ANO6: variants seen among roughly 807,000 people sequenced by gnomAD.
The protein encoded by ANO6 is anoctamin-6.
A neutral mutation model predicts 117.5 loss-of-function variants in ANO6; 106 were observed. The ratio of observed to expected loss-of-function variants is 0.90; its 90% CI spans 0.77 to 1.06. ANO6 has a LOEUF of 1.06. Among genes scored for constraint, ANO6 ranks in the 50% least tolerant of loss-of-function variants. The pLI is 0.00. For missense variants in ANO6, 955 were observed against 1,121.1 expected, an observed-to-expected ratio of 0.85 and a Z score of 2.12; for synonymous variants, 367 against 385.1, an observed-to-expected ratio of 0.95 and a Z score of 0.55.
intron 10 of ANO6, among the ~76,000 whole-genome samples, chr12:45,382,467 C>T (rs1942192506): frequency 6.6e-6 from 1 of 152,086 alleles, no homozygotes; most frequent in South Asian, 2.1e-4. Flanking sequence ...TAGAAGAGTA[C>T]CCATGATAAT....
At chr12:45,330,910 T>G (rs1214957953) in intron 2 of ANO6, among the ~76,000 whole-genome samples, 1 of 151,974 alleles carries the variant, frequency 6.6e-6, no homozygotes, top group East Asian at 1.9e-4. Context: ...CAACAGTGCT[T>G]TGTCTTAGAT....
intron 1 of ANO6, among the ~76,000 whole-genome samples, chr12:45,290,223 G>C (rs1380964706): frequency 6.6e-6 from 1 of 151,330 alleles, no homozygotes; most frequent in Non-Finnish European, 1.5e-5. Flanking sequence ...ACTAGGTTTT[G>C]GCATCACAGG....
chr12:45,243,389 G>A (rs1443107752), intron 1 of ANO6, among the ~76,000 whole-genome samples: 1 of 152,064 alleles, frequency 6.6e-6, no homozygotes, highest in Non-Finnish European at 1.5e-5. Flanking sequence ...GAGCTACCTT[G>A]GCCATGCATT....
intron 6 of ANO6, among the ~76,000 whole-genome samples, chr12:45,349,064 CATTAA>C (rs1373568037): frequency 1.3e-5 from 2 of 152,012 alleles, no homozygotes; most frequent in South Asian, 2.1e-4. Context: ...TAAATTAATC[CATTAA>C]ATTAATCCAA....
intron 15 of ANO6, among the ~76,000 whole-genome samples, chr12:45,404,377 G>C (rs1942878115): frequency 6.6e-6 from 1 of 152,092 alleles, no homozygotes; most frequent in African/African-American, 2.4e-5. Context: ...ATTTCAGGGA[G>C]CTTTTTGTTT....
At chr12:45,347,116 G>A (rs1164802849) in intron 4 of ANO6, 29 bp downstream of exon 4, 1 of 1,611,018 alleles carries the variant, frequency 6.2e-7, no homozygotes, top group Admixed American at 1.7e-5. Context: ...TCAGCCCTCG[G>A]CTGACCACTG....
intron 1 of ANO6, among the ~76,000 whole-genome samples, chr12:45,237,546 T>G (rs1947665020): frequency 6.6e-6 from 1 of 152,212 alleles, no homozygotes; most frequent in South Asian, 2.1e-4. Flanking sequence ...ATGTGTGGTG[T>G]TATTTCTGAG....
intron 1 of ANO6, among the ~76,000 whole-genome samples, chr12:45,232,482 G>A (rs2137143370): frequency 6.6e-6 from 1 of 152,266 alleles, no homozygotes; most frequent in South Asian, 2.1e-4. Context: ...CAAGGGAATG[G>A]GCTCTCACTG....
rs541059488 is a variant in ANO6 at position 45,267,239 on chromosome 12, G to A, written c.71-34775G>A. 8.9e-4 allele frequency among the ~76,000 whole-genome samples: 135 copies of A among 152,228 alleles called. 1 individual carries two copies. The highest frequency in any genetic ancestry group is 1.8e-3 in the Admixed American group (27 of 15,292). On this transcript the variant is annotated intron_variant, in intron 1 of 19. Transcript: ENST00000320560. ...TTGGTTTCTCCTGAGGCTTGCTAAC[G>A]ACCACCTTTTCTGTGCCCTCACATG... is the stretch of plus-strand genomic sequence containing the variant.
intron 9 of ANO6, among the ~76,000 whole-genome samples, chr12:45,373,297 A>G (rs1941900591): frequency 6.6e-6 from 1 of 152,030 alleles, no homozygotes; most frequent in African/African-American, 2.4e-5. Context: ...CATTAGACAG[A>G]TCAATGAGAC....
chr12:45,325,234 G>A (rs994762369), intron 2 of ANO6, among the ~76,000 whole-genome samples: 2 of 152,248 alleles, frequency 1.3e-5, no homozygotes. Context: ...TAAGATTGGA[G>A]CTATTTCTTT....
At chr12:45,401,558 AC>A (rs1942786905) in intron 12 of ANO6, among the ~76,000 whole-genome samples, 1 of 152,058 alleles carries the variant, frequency 6.6e-6, no homozygotes, top group Non-Finnish European at 1.5e-5. Context: ...CACCCCCTGC[AC>A]CCAGTTTCTC....
intron 1 of ANO6, among the ~76,000 whole-genome samples, chr12:45,217,278 A>G (rs1329160755): frequency 6.6e-6 from 1 of 152,162 alleles, no homozygotes; most frequent in African/African-American, 2.4e-5. Flanking sequence ...CTCTAATTAA[A>G]TTACCAAGCC....
intron 16 of ANO6, among the ~76,000 whole-genome samples, chr12:45,415,083 T>G (rs1419673261): frequency 1.3e-5 from 2 of 152,074 alleles, no homozygotes; most frequent in Admixed American, 6.6e-5. Flanking sequence ...TTTTCTTAAA[T>G]CCATTTGGGA....
intron 10 of ANO6, among the ~76,000 whole-genome samples, chr12:45,380,195 A>T (rs955852355): frequency 1.3e-5 from 2 of 152,198 alleles, no homozygotes; most frequent in African/African-American, 4.8e-5. Context: ...AAGGCAGCCC[A>T]CCTGTTCATA....
intron 3 of ANO6, among the ~76,000 whole-genome samples, chr12:45,333,120 C>T (rs949678825): frequency 1.3e-5 from 2 of 151,906 alleles, no homozygotes; most frequent in African/African-American, 4.8e-5. Context: ...GATCCTAATA[C>T]TTAGCCTATA....
At position 45,422,973 on chromosome 12, in the gene ANO6, T is replaced by A. The variant is rs1943404810; in HGVS notation, c.2437T>A (p.Tyr813Asn). Reference sequence around the variant, plus strand: ...TGTTTTCAGGTATCGTGATTTCCGATACCCACCTGGACACCCCCAGGAGTA... The same window carrying A: ...TGTTTTCAGGTATCGTGATTTCCGAAACCCACCTGGACACCCCCAGGAGTA... ...HTTCRYRDFR[Y>N]PPGHPQEYKH... The change falls in exon 19 of 20, where the codon TAC becomes AAC. Residue 813 changes from tyrosine (Y) to asparagine (N), a missense_variant. Physicochemically the swap from Tyr to Asn is moderately radical, Grantham distance 143 (BLOSUM62 -2). Coordinates refer to ENST00000320560, the MANE Select transcript of ANO6 (RefSeq NM_001025356.3). 1 of 1,613,386 alleles carries A rather than the reference T, an allele frequency of 6.2e-7. No homozygotes were observed. Among genetic ancestry groups the A allele is most frequent in the Non-Finnish European group, 8.5e-7 (1 of 1,179,392 alleles).
intron 9 of ANO6, among the ~76,000 whole-genome samples, chr12:45,376,996 G>A (rs1047090272): frequency 3.3e-5 from 5 of 151,982 alleles, no homozygotes; most frequent in African/African-American, 7.3e-5. Context: ...TGAGAATGTC[G>A]CTATTCTTTT....
At position 45,268,904 on chromosome 12, in the gene ANO6, A is replaced by G. The variant is rs117006260; in HGVS notation, c.71-33110A>G. ...GCTATTTCCGTGCTCAGGGCAGCACATGCATCCTTTCTGGCTGCTTCCACC... is the reference window on the plus strand; with the variant it reads ...GCTATTTCCGTGCTCAGGGCAGCACGTGCATCCTTTCTGGCTGCTTCCACC... On this transcript the variant is annotated intron_variant, in intron 1 of 19. Transcript: ENST00000320560. 6.7e-3 allele frequency among the ~76,000 whole-genome samples: 1,018 copies of G among 152,348 alleles called. 9 individuals carry two copies. Among genetic ancestry groups the G allele is most frequent in the Non-Finnish European group, 8.3e-3 (562 of 68,026 alleles).
Sources: allele counts gnomAD v4.1 joint callset (sites outside exome capture counted in the v4.1 genomes callset), GRCh38; gene constraint gnomAD v4.1.1; transcripts MANE v1.5; gene names NCBI Gene and HGNC (gene_info 2026-07-23, HGNC 2026-07-21).